The following CCNK variants were observed in gnomAD, a reference collection of about 807,000 sequenced individuals.
CCNK encodes the protein cyclin-K.
CCNK carries 9 observed loss-of-function variants against 65.0 expected under a neutral mutation model. The ratio of observed to expected loss-of-function variants is 0.14; its 90% CI spans 0.08 to 0.24. The LOEUF is 0.24. CCNK is among the 10% of genes least tolerant of loss of function. The pLI is 1.00. For missense variants in CCNK, 474 were observed against 720.0 expected, an observed-to-expected ratio of 0.66 and a Z score of 3.91; for synonymous variants, 279 against 270.8, an observed-to-expected ratio of 1.03 and a Z score of -0.30.
rs1896626462 is a variant in CCNK, at chr14:99,492,960, A to G, written c.197+86A>G. 4.5e-6 allele frequency: 5 copies of G among 1,123,574 alleles called. No individual in the cohort carries two copies. The South Asian group carries it at 5.3e-5, about 12-fold the overall frequency. 69.6% of individuals were successfully genotyped at this position (1,123,574 alleles called of 1,614,324 possible). On this transcript the variant is annotated intron_variant, in intron 2 of 10. Coordinates refer to ENST00000389879, the MANE Select transcript of CCNK (RefSeq NM_001099402.2). ...ATTAGATTCTGTAGACAAAATATAT[A>G]GTAATTTCTCTGTACCAGAGCAGTT...
At position 99,502,331 on chromosome 14, in the gene CCNK, T is replaced by C; in HGVS notation, c.700T>C (p.Trp234Arg). 6.2e-7 allele frequency: 1 copy of C among 1,613,686 alleles called. No individual in the cohort carries two copies. Among genetic ancestry groups the C allele is most frequent in the Non-Finnish European group, 8.5e-7 (1 of 1,179,810 alleles). The stretch of plus-strand genomic sequence containing the variant: ...GACCTCCAAACCCATGTATAGGAGA[T>C]GGTGGGAGCAGTTTGTTCAAGATGT... ...EWTSKPMYRR[W>R]WEQFVQDVPV... Residue 234 changes from tryptophan (W) to arginine (R), a missense_variant, in exon 7 of 11, where the codon TGG becomes CGG. By Grantham distance (101) the Trp-to-Arg change is moderately radical. Transcript: ENST00000389879.
intron 5 of CCNK, 148 bp downstream of exon 5, chr14:99,501,019 T>C: frequency 1.6e-6 from 1 of 634,708 alleles, no homozygotes; most frequent in African/African-American, 1.9e-5. Context: ...AATTCAGCAT[T>C]GCAGCTGCTA....
chr14:99,499,191 C>G (rs867545237), intron 4 of CCNK, among the ~76,000 whole-genome samples: 39 of 152,244 alleles, frequency 2.6e-4, no homozygotes, highest in African/African-American at 8.7e-4. Flanking sequence ...GCGCCTGCCA[C>G]CATGATTGGC....
chr14:99,483,081 T>C (rs1466159659), intron 1 of CCNK, among the ~76,000 whole-genome samples: 1 of 152,234 alleles, frequency 6.6e-6, no homozygotes, highest in Non-Finnish European at 1.5e-5. Flanking sequence ...CAGTTAATGA[T>C]AGAAGACTAG....
At chr14:99,484,794 T>C (rs1896444009) in intron 1 of CCNK, among the ~76,000 whole-genome samples, 1 of 152,238 alleles carries the variant, frequency 6.6e-6, no homozygotes, top group Non-Finnish European at 1.5e-5. Context: ...ATTTCGATAT[T>C]GGGTGAGATA....
In CCNK at chr14:99,493,555, G is replaced by A. The variant is rs1896638807; in HGVS notation, c.239G>A (p.Arg80His). ...GCAACTGGAATAATTTATTTTCATC[G>A]CTTCTATATGTTTCATTCCTTCAAG... ...TLATGIIYFH[R>H]FYMFHSFKQF... The change falls in exon 3 of 11, where the codon CGC becomes CAC. Residue 80 changes from arginine to histidine, a missense_variant. Transcript: ENST00000389879. The A allele has an allele frequency of 6.2e-7, 1 of 1,612,008 alleles. No homozygotes were observed. Among genetic ancestry groups the A allele is most frequent in the Non-Finnish European group, 8.5e-7 (1 of 1,178,810 alleles).
chr14:99,493,192 C>A (rs944707703), intron 2 of CCNK: 3 of 423,462 alleles, frequency 7.1e-6, no homozygotes, highest in Non-Finnish European at 1.2e-5. Context: ...CCCTTGAAAT[C>A]TGGAGTTCGA....
At chr14:99,496,973 A>G (rs1896715779) in intron 4 of CCNK, among the ~76,000 whole-genome samples, 2 of 149,386 alleles carry the variant, frequency 1.3e-5, no homozygotes, top group South Asian at 4.3e-4. Context: ...AGCAAAAATG[A>G]GTGGAAAGTA....
chr14:99,504,989 A>C (rs1896939460), intron 9 of CCNK: 1 of 152,252 alleles, frequency 6.6e-6, no homozygotes, highest in Admixed American at 6.5e-5. Context: ...GAATCAGGGG[A>C]AATGGAGAGG....
At chr14:99,496,457 T>A (rs894554950) in intron 4 of CCNK, among the ~76,000 whole-genome samples, 1 of 152,174 alleles carries the variant, frequency 6.6e-6, no homozygotes, top group African/African-American at 2.4e-5. Flanking sequence ...ACGCCTGTAA[T>A]CCCAGCACTT....
chr14:99,504,943 A>G (rs941548), intron 9 of CCNK: 150,005 of 152,446 alleles, frequency 0.98, 73,844 homozygotes, highest in East Asian at 1. Context: ...GGATGGAGCA[A>G]TAAGTTGGAA....
At position 99,510,490 on chromosome 14, in the gene CCNK, C is replaced by T. The variant is rs1288430029; in HGVS notation, c.1451C>T (p.Pro484Leu). 7.2e-6 allele frequency: 9 copies of T among 1,241,730 alleles called. No individual in the cohort carries two copies. Among genetic ancestry groups the T allele is most frequent in the African/African-American group, 3.5e-5 (2 of 57,950 alleles). 76.9% of individuals were successfully genotyped at this position (1,241,730 alleles called of 1,614,324 possible). ...HPHVYPPNPP[P>L]PPVPPPPASF... ...CATGTCTACCCGCCCAACCCGCCCC[C>T]GCCACCTGTGCCTCCTCCCCCAGCC... Residue 484 changes from proline (P) to leucine (L), a missense_variant, in exon 11 of 11, where the codon CCG becomes CTG. Pro to Leu is a moderately conservative substitution (Grantham distance 98, BLOSUM62 -3). This residue lies in a region of CCNK where 229 missense variants were observed against 275.5 expected (regional missense o/e 0.83). Coordinates refer to ENST00000389879, the MANE Select transcript of CCNK (RefSeq NM_001099402.2).
intron 10 of CCNK, 153 bp downstream of exon 10, chr14:99,507,300 G>A: frequency 4.5e-6 from 3 of 670,710 alleles, no homozygotes; most frequent in Non-Finnish European, 8.1e-6. Context: ...TCTTGGGCTG[G>A]GCACAATGGC....
Position 99,510,812 on chromosome 14 carries a change from T to C in CCNK, c.*30T>C. ...AGCCTTTTTTCCCTCTTTGTTTTTT[T>C]AACAAGATTTTCTAATCGACTTGCA... On this transcript the variant is annotated 3_prime_UTR_variant, in exon 11 of 11. Transcript: ENST00000389879. The C allele has an allele frequency of 7.1e-7, 1 of 1,398,962 alleles. No individual in the cohort carries two copies. Among genetic ancestry groups the C allele is most frequent in the Non-Finnish European group, 9.3e-7 (1 of 1,075,004 alleles). 86.7% of individuals were successfully genotyped at this position (1,398,962 alleles called of 1,614,324 possible).
intron 10 of CCNK, chr14:99,507,354 AT>A (rs1040738936): frequency 1.8e-6 from 1 of 563,882 alleles, no homozygotes; most frequent in Non-Finnish European, 3.2e-6. Context: ...AGGCAGGAGA[AT>A]CACCTGACCC....
intron 4 of CCNK, among the ~76,000 whole-genome samples, chr14:99,499,806 A>G (rs900695419): frequency 6.6e-6 from 1 of 152,242 alleles, no homozygotes; most frequent in Non-Finnish European, 1.5e-5. Context: ...AAACAACTAA[A>G]GGACTGAAAA....
chr14:99,481,520 C>G (rs890296456), intron 1 of CCNK, 41 bp downstream of exon 1: 4 of 398,536 alleles, frequency 1.0e-5, no homozygotes, highest in African/African-American at 6.2e-5. Flanking sequence ...GCCCACCTCC[C>G]GCGTATCTGG....
At position 99,500,763 on chromosome 14, in the gene CCNK, T is replaced by C. The variant is rs1004054099; in HGVS notation, c.412-3T>C. 1 of 1,541,660 alleles carries C rather than the reference T, an allele frequency of 6.5e-7. No homozygotes were observed. Among genetic ancestry groups the C allele is most frequent in the African/African-American group, 1.4e-5 (1 of 73,332 alleles). On this transcript the variant is annotated splice_polypyrimidine_tract_variant and splice_region_variant and intron_variant, in intron 4 of 10. Transcript: ENST00000389879. ...TGTCCTAACATTTGTGATTGATTTTTAGGAGGAAGTAATGGTTCTGGAGAG... is the reference window on the plus strand; with the variant it reads ...TGTCCTAACATTTGTGATTGATTTTCAGGAGGAAGTAATGGTTCTGGAGAG...
chr14:99,483,287 G>A lies in CCNK; in HGVS notation c.-53+1808G>A, dbSNP rs780983086. ...GGTGAGGCCAGAGGTGGTGGCTCAC[G>A]CTTATAATACCAGTACTGTGGGAGG... On this transcript the variant is annotated intron_variant, in intron 1 of 10. Transcript: ENST00000389879. Among the ~76,000 whole-genome samples the A allele has an allele frequency of 2.0e-5, 3 of 152,196 alleles. No individual in the cohort carries two copies. The South Asian group carries it at 6.2e-4, about 32-fold the overall frequency.
Sources: allele counts gnomAD v4.1 joint callset (sites outside exome capture counted in the v4.1 genomes callset), GRCh38; gene constraint gnomAD v4.1.1; regional missense constraint gnomAD v4.1.1; transcripts MANE v1.5; gene names NCBI Gene and HGNC (gene_info 2026-07-23, HGNC 2026-07-21).